The following ARHGAP15 variants were observed in gnomAD, a reference collection of about 807,000 sequenced individuals.
The protein encoded by ARHGAP15 is Rho GTPase activating protein 15.
ARHGAP15 carries 51 observed loss-of-function variants against 63.7 expected under a neutral mutation model. That is an observed-to-expected ratio of 0.80 (90% CI 0.64 to 1.01). ARHGAP15 has a LOEUF of 1.01. ARHGAP15 is among the 50% of genes least tolerant of loss of function. The probability of loss-of-function intolerance (pLI) is 0.00; values close to 1 mark genes in which losing one functional copy is unlikely to be tolerated. For synonymous variants in ARHGAP15, 191 were observed against 193.8 expected (o/e 0.99, Z 0.12); for missense variants, 560 against 564.6 (o/e 0.99, Z 0.08).
intron 3 of ARHGAP15, among the ~76,000 whole-genome samples, chr2:143,205,498 G>A (rs955575877): frequency 6.6e-5 from 10 of 152,206 alleles, no homozygotes; most frequent in South Asian, 4.1e-4. Context: ...GCTGGAACAT[G>A]TTAGGGACTC....
At chr2:143,278,488 A>G (rs116352959) in intron 6 of ARHGAP15, among the ~76,000 whole-genome samples, 5,495 of 152,258 alleles carry the variant, frequency 0.036, 156 homozygotes, top group Middle Eastern at 0.058. Context: ...ATGGCTTTTG[A>G]GTAGGTAACT....
At chr2:143,387,909 G>A (rs1687366418) in intron 6 of ARHGAP15, among the ~76,000 whole-genome samples, 1 of 149,400 alleles carries the variant, frequency 6.7e-6, no homozygotes, top group Non-Finnish European at 1.5e-5. Context: ...ACGCATGCCT[G>A]CACACACACA....
intron 2 of ARHGAP15, among the ~76,000 whole-genome samples, chr2:143,195,209 C>A (rs9287349): frequency 1.3e-5 from 2 of 151,290 alleles, no homozygotes; most frequent in Non-Finnish European, 2.9e-5. Context: ...TAGGGAAGAG[C>A]CCCCCTCCCA....
chr2:143,429,489 G>A (rs987873469), intron 6 of ARHGAP15, among the ~76,000 whole-genome samples: 9 of 152,080 alleles, frequency 5.9e-5, no homozygotes, highest in Admixed American at 2.6e-4. Context: ...TGTCATGTAC[G>A]TAACCCGACA....
chr2:143,740,018 G>A (rs1216198077), intron 13 of ARHGAP15, among the ~76,000 whole-genome samples: 2 of 151,752 alleles, frequency 1.3e-5, no homozygotes, highest in African/African-American at 4.8e-5. Flanking sequence ...GTCCATTTTT[G>A]TGTTTTATGC....
At chr2:143,153,873 TTCCTCCTCC>T (rs372991318) in intron 1 of ARHGAP15, among the ~76,000 whole-genome samples, 51 of 46,896 alleles carry the variant, frequency 1.1e-3, no homozygotes, top group African/African-American at 2.8e-3. Flanking sequence ...CCTCCTCCTC[TTCCTCCTCC>T]TCCTCCTCCT....
chr2:143,439,060 C>A (rs1334647162), intron 8 of ARHGAP15, among the ~76,000 whole-genome samples: 1 of 152,090 alleles, frequency 6.6e-6, no homozygotes, highest in Non-Finnish European at 1.5e-5. Context: ...CACTACTTCT[C>A]TTTAGAATCT....
At chr2:143,634,624 T>C (rs979548911) in intron 12 of ARHGAP15, among the ~76,000 whole-genome samples, 1 of 152,168 alleles carries the variant, frequency 6.6e-6, no homozygotes, top group Non-Finnish European at 1.5e-5. Context: ...TTTCCACTTC[T>C]CTGGAAAAGC....
At chr2:143,631,771 C>A (rs1320033693) in intron 12 of ARHGAP15, among the ~76,000 whole-genome samples, 1 of 151,974 alleles carries the variant, frequency 6.6e-6, no homozygotes, top group African/African-American at 2.4e-5. Context: ...CTTCTTTTAA[C>A]AGTGTTTTCA....
chr2:143,230,753 C>T (rs868081657), intron 5 of ARHGAP15, among the ~76,000 whole-genome samples: 2 of 152,102 alleles, frequency 1.3e-5, no homozygotes, highest in Admixed American at 6.5e-5. Flanking sequence ...CTTAGAGAAA[C>T]GATACAACGA....
In ARHGAP15 at chr2:143,551,749, G is replaced by A. The variant is rs1037421171; in HGVS notation, c.926-4659G>A. On this transcript the variant is annotated intron_variant, in intron 10 of 13. Coordinates refer to ENST00000295095, the MANE Select transcript of ARHGAP15 (RefSeq NM_018460.4). ...CTATTGAAGGATGGGTGTCTCATAA[G>A]AAATTAACAATAATTAAATTAAAAT... 2.2e-4 allele frequency among the ~76,000 whole-genome samples: 33 copies of A among 152,080 alleles called. 1 individual carries two copies. Among genetic ancestry groups the A allele is most frequent in the Admixed American group, 2.0e-3 (30 of 15,280 alleles).
chr2:143,214,614 T>A (rs1460406830), intron 3 of ARHGAP15, among the ~76,000 whole-genome samples: 1 of 152,188 alleles, frequency 6.6e-6, no homozygotes, highest in Non-Finnish European at 1.5e-5. Context: ...TTAGATGCTG[T>A]AGAGTTGTGG....
intron 11 of ARHGAP15, among the ~76,000 whole-genome samples, chr2:143,577,826 G>A (rs540401118): frequency 7.2e-5 from 11 of 152,246 alleles, no homozygotes; most frequent in Non-Finnish European, 1.0e-4. Context: ...TTCAGGAACT[G>A]CAGTATAAGG....
At chr2:143,746,737 CAT>C (rs749412867) in intron 13 of ARHGAP15, among the ~76,000 whole-genome samples, 2 of 152,052 alleles carry the variant, frequency 1.3e-5, no homozygotes, top group African/African-American at 2.4e-5. Flanking sequence ...AAAAATAAAA[CAT>C]ATCAACAACA....
intron 11 of ARHGAP15, among the ~76,000 whole-genome samples, chr2:143,577,903 T>C (rs1696735554): frequency 6.6e-6 from 1 of 152,022 alleles, no homozygotes; most frequent in Non-Finnish European, 1.5e-5. Flanking sequence ...CTACAACGAG[T>C]AAGTGAATTT....
At chr2:143,547,205 TAGAG>T (rs1695369585) in intron 10 of ARHGAP15, among the ~76,000 whole-genome samples, 1 of 152,122 alleles carries the variant, frequency 6.6e-6, no homozygotes, top group Admixed American at 6.5e-5. Flanking sequence ...TAGCTGAGCT[TAGAG>T]AGATATGTAA....
At chr2:143,366,732 T>TCACA (rs757445975) in intron 6 of ARHGAP15, among the ~76,000 whole-genome samples, 1 of 152,092 alleles carries the variant, frequency 6.6e-6, no homozygotes, top group East Asian at 1.9e-4. Flanking sequence ...CAAAATAAAA[T>TCACA]CACACACAAA....
intron 2 of ARHGAP15, among the ~76,000 whole-genome samples, chr2:143,177,378 C>T (rs1051494928): frequency 1.8e-4 from 27 of 152,096 alleles, no homozygotes; most frequent in African/African-American, 4.8e-4. Context: ...GGACAGTACT[C>T]GTCAGAAACA....
At chr2:143,746,498 G>A (rs1379803607) in intron 13 of ARHGAP15, among the ~76,000 whole-genome samples, 19 of 152,090 alleles carry the variant, frequency 1.2e-4, no homozygotes, top group Admixed American at 1.2e-3. Flanking sequence ...GAAAAATATT[G>A]GGGAGTACCT....
Sources: allele counts gnomAD v4.1 joint callset (sites outside exome capture counted in the v4.1 genomes callset), GRCh38; gene constraint gnomAD v4.1.1; transcripts MANE v1.5; gene names NCBI Gene and HGNC (gene_info 2026-07-23, HGNC 2026-07-21).